Variants in NOS1 observed in about 807,000 individuals in gnomAD.
NOS1 encodes the protein NOS type I.
NOS1 carries 51 observed loss-of-function variants against 164.5 expected under a neutral mutation model. That is an observed-to-expected ratio of 0.31 (90% CI 0.25 to 0.39). NOS1 has a LOEUF of 0.39. Among genes scored for constraint, NOS1 ranks in the 10% least tolerant of loss-of-function variants. The pLI is 1.00. For synonymous variants in NOS1, 719 were observed against 745.8 expected (o/e 0.96, Z 0.59); for missense variants, 1,362 against 1,885.6 (o/e 0.72, Z 5.14).
At chr12:117,275,688 G>A (rs1873125807) in intron 9 of NOS1, among the ~76,000 whole-genome samples, 1 of 151,556 alleles carries the variant, frequency 6.6e-6, no homozygotes, top group Non-Finnish European at 1.5e-5. Context: ...TGAGACAATG[G>A]GTGTATTAAT....
chr12:117,361,337 C>G (rs1184326972), intron 1 of NOS1, among the ~76,000 whole-genome samples, 175 bp downstream of exon 1: 1 of 151,426 alleles, frequency 6.6e-6, no homozygotes, highest in African/African-American at 2.4e-5. Flanking sequence ...CCTTCCCCTC[C>G]GCTTTGTGCC....
In NOS1 at chr12:117,272,046, C is replaced by T. The variant is rs747686583; in HGVS notation, c.1839+339G>A. Reference sequence around the variant, plus strand: ...GTCAAACCAGACACATTTCCCAGCCCTGCTGCCGGCTAGCTGTGTGACCTT... The same window carrying T: ...GTCAAACCAGACACATTTCCCAGCCTTGCTGCCGGCTAGCTGTGTGACCTT... On this transcript the variant is annotated intron_variant, in intron 10 of 28. Transcript: ENST00000317775. This position sits in a 1 kb window ranked among gnomAD's most constrained non-coding sequence, Gnocchi z 4.3. Among the ~76,000 whole-genome samples the T allele has an allele frequency of 5.3e-5, 8 of 152,206 alleles. No individual in the cohort carries two copies. The highest frequency in any genetic ancestry group is 1.2e-4 in the Non-Finnish European group (8 of 68,038).
At chr12:117,264,268 C>T (rs1006304743) in intron 12 of NOS1, among the ~76,000 whole-genome samples, 2 of 151,978 alleles carry the variant, frequency 1.3e-5, no homozygotes, top group Non-Finnish European at 2.9e-5. Flanking sequence ...ACTCTCATTT[C>T]ATCCCTCTTT....
chr12:117,312,592 T>TA (rs1274639232), intron 2 of NOS1, among the ~76,000 whole-genome samples: 10 of 151,712 alleles, frequency 6.6e-5, no homozygotes, highest in African/African-American at 1.9e-4. Flanking sequence ...ATTTTTTTTT[T>TA]TTTTATTTTC....
rs549495340 is a variant in NOS1, at chr12:117,327,520, G to A, written c.725+2825C>T. On this transcript the variant is annotated intron_variant, in intron 2 of 28. Transcript: ENST00000317775. ...GGCAGTGGCAGCTCCCTGAGGCCCGGGTTCCAGCCTGGGAGGCCTCCTGTG... is the reference window on the plus strand; with the variant it reads ...GGCAGTGGCAGCTCCCTGAGGCCCGAGTTCCAGCCTGGGAGGCCTCCTGTG... Among the ~76,000 whole-genome samples the A allele has an allele frequency of 5.3e-5, 8 of 152,304 alleles. No individual in the cohort carries two copies. In the East Asian group the frequency reaches 1.4e-3, roughly 26 times the overall value.
intron 1 of NOS1, among the ~76,000 whole-genome samples, chr12:117,353,263 C>T (rs376723017): frequency 6.6e-6 from 1 of 152,150 alleles, no homozygotes; most frequent in Non-Finnish European, 1.5e-5. Flanking sequence ...TATCTACCTA[C>T]CTATTCTATC....
At chr12:117,361,190 G>A (rs1451646727) in intron 1 of NOS1, among the ~76,000 whole-genome samples, 2 of 150,568 alleles carry the variant, frequency 1.3e-5, no homozygotes, top group East Asian at 4.0e-4. Context: ...CGCCCGCCTC[G>A]TACTCCTCCT....
rs1688663721 is a variant in NOS1 at position 117,272,346 on chromosome 12, A to G, written c.1839+39T>C. ...GACTGCTGAGCTGGCACCCTCTGCTATGTGCTTTTCCCCTGTGGTGACCAG... is the reference window on the plus strand; with the variant it reads ...GACTGCTGAGCTGGCACCCTCTGCTGTGTGCTTTTCCCCTGTGGTGACCAG... On this transcript the variant is annotated intron_variant, in intron 10 of 28. Coordinates refer to ENST00000317775, the MANE Select transcript of NOS1 (RefSeq NM_000620.5). This position sits in a 1 kb window ranked among gnomAD's most constrained non-coding sequence, Gnocchi z 4.3. 1.2e-6 allele frequency: 2 copies of G among 1,610,530 alleles called. No individual in the cohort carries two copies. Among genetic ancestry groups the G allele is most frequent in the Non-Finnish European group, 1.7e-6 (2 of 1,177,284 alleles).
chr12:117,227,354 C>T (rs756649320), intron 23 of NOS1, 77 bp downstream of exon 23: 152 of 1,345,496 alleles, frequency 1.1e-4, no homozygotes, highest in African/African-American at 4.8e-4. Context: ...AGCCTGCAGA[C>T]GGTGGTTTAG....
intron 22 of NOS1, among the ~76,000 whole-genome samples, chr12:117,231,486 G>A (rs1365164781): frequency 6.6e-6 from 1 of 152,076 alleles, no homozygotes; most frequent in East Asian, 1.9e-4. Context: ...CATTTGCCCT[G>A]ATGTGATTAT....
chr12:117,340,609 A>C (rs1258448963), intron 1 of NOS1, among the ~76,000 whole-genome samples: 2 of 152,186 alleles, frequency 1.3e-5, no homozygotes, highest in Non-Finnish European at 2.9e-5. Context: ...GGCTCGCTGC[A>C]ACCTCTGCCT....
intron 25 of NOS1, among the ~76,000 whole-genome samples, chr12:117,223,660 T>C (rs1031130803): frequency 7.2e-5 from 11 of 151,984 alleles, no homozygotes; most frequent in Non-Finnish European, 2.9e-5. Context: ...CACTGCAACC[T>C]GCAGAGTGAA....
chr12:117,290,369 G>T lies in NOS1; in HGVS notation c.910C>A (p.Arg304Ser), dbSNP rs763590379. Residue 304 changes from arginine to serine, a missense_variant, in exon 4 of 29, where the codon CGC becomes AGC. Physicochemically the swap from Arg to Ser is moderately radical, Grantham distance 110. Coordinates refer to ENST00000317775, the MANE Select transcript of NOS1 (RefSeq NM_000620.5). ...TCCCAGTTCTTGACCTTGAGGAAGC[G>T]TGGACACTTGGAGGGGCTGCCATTC... ...TKNGSPSKCP[R>S]FLKVKNWETE... 1 of 1,614,024 alleles carries T rather than the reference G, an allele frequency of 6.2e-7. No homozygotes were observed. The highest frequency in any genetic ancestry group is 8.5e-7 in the Non-Finnish European group (1 of 1,179,948).
chr12:117,332,873 C>G (rs1470216360), intron 1 of NOS1, among the ~76,000 whole-genome samples: 1 of 152,096 alleles, frequency 6.6e-6, no homozygotes, highest in Non-Finnish European at 1.5e-5. Flanking sequence ...TCCCCTGCCC[C>G]CCGCCAAAAT....
chr12:117,285,586 A>G (rs762745186), intron 6 of NOS1, among the ~76,000 whole-genome samples: 8 of 152,024 alleles, frequency 5.3e-5, no homozygotes, highest in Non-Finnish European at 1.0e-4. Flanking sequence ...AATGTGGGAA[A>G]GGAATGGCAA....
chr12:117,284,776 G>A lies in NOS1; in HGVS notation c.1382+465C>T, dbSNP rs9658359. Among the ~76,000 whole-genome samples the A allele has an allele frequency of 3.3e-3, 500 of 152,246 alleles. 2 individuals are homozygous for A. The highest frequency in any genetic ancestry group is 0.012 in the African/African-American group (479 of 41,558). ...TGGAATAAAGATGCCGGGGCTGGGCGTGGTGGCTCATGCCTGTAATCCCAG... is the reference window on the plus strand; with the variant it reads ...TGGAATAAAGATGCCGGGGCTGGGCATGGTGGCTCATGCCTGTAATCCCAG... On this transcript the variant is annotated intron_variant, in intron 7 of 28. Coordinates refer to ENST00000317775, the MANE Select transcript of NOS1 (RefSeq NM_000620.5).
At chr12:117,298,633 C>A (rs1471225852) in intron 3 of NOS1, among the ~76,000 whole-genome samples, 1 of 152,128 alleles carries the variant, frequency 6.6e-6, no homozygotes, top group Non-Finnish European at 1.5e-5. Flanking sequence ...GGGCTGGTGT[C>A]CTTAGAGAAA....
chr12:117,306,160 C>T (rs531013880), intron 3 of NOS1, among the ~76,000 whole-genome samples: 5 of 152,208 alleles, frequency 3.3e-5, no homozygotes, highest in African/African-American at 9.6e-5. Flanking sequence ...CAAAGACGAA[C>T]GTAAATCCCA....
Position 117,225,057 on chromosome 12 carries a change from C to T in NOS1, c.3785G>A (p.Arg1262Gln), listed in dbSNP as rs760598926. The T allele has an allele frequency of 1.2e-6, 2 of 1,614,158 alleles. No homozygotes were observed. The highest frequency in any genetic ancestry group is 1.3e-5 in the African/African-American group (1 of 75,034). ...VGPGTGIAPFRSFWQQRQFDI... is the reference protein window; with the variant it reads ...VGPGTGIAPFQSFWQQRQFDI... ...AAATTGCCGCTGTTGCCAGAAGCTT[C>T]GGAAAGGGGCAATGCCGGTGCCTGG... is the stretch of plus-strand genomic sequence containing the variant. The change falls in exon 25 of 29, where the codon CGA becomes CAA. Residue 1262 changes from arginine to glutamine, a missense_variant. This residue lies in a region of NOS1 where 737 missense variants were observed against 1,030.3 expected (regional missense o/e 0.72). Transcript: ENST00000317775.
Sources: allele counts gnomAD v4.1 joint callset (sites outside exome capture counted in the v4.1 genomes callset), GRCh38; gene constraint gnomAD v4.1.1; regional missense constraint gnomAD v4.1.1; non-coding constraint Gnocchi (gnomAD v3.1); transcripts MANE v1.5; gene names NCBI Gene and HGNC (gene_info 2026-07-23, HGNC 2026-07-21).